Variants in PLAC1 observed in about 807,000 individuals in gnomAD.
The protein encoded by PLAC1 is placenta associated 1, also known as placenta-specific protein 1.
For missense variants in PLAC1, 136 were observed against 163.2 expected (o/e 0.83, Z 0.91); for synonymous variants, 68 against 62.1 (o/e 1.09, Z -0.44).
At chrX:134,729,175 T>A (rs967701732) in intron 2 of PLAC1, among the ~76,000 whole-genome samples, 1 of 111,598 alleles carries the variant, frequency 9.0e-6, no homozygotes, top group Non-Finnish European at 1.9e-5. Flanking sequence ...ACTCAATAAT[T>A]CCAGTTGAAT....
intron 1 of PLAC1, among the ~76,000 whole-genome samples, chrX:134,652,937 G>A (rs975435362): frequency 1.8e-5 from 2 of 112,229 alleles, no homozygotes; most frequent in Admixed American, 9.4e-5. Context: ...CTCTGCTACT[G>A]TGGTCCATCA....
intron 1 of PLAC1, among the ~76,000 whole-genome samples, chrX:134,642,026 G>T (rs1224280006): frequency 8.9e-6 from 1 of 111,928 alleles, no homozygotes; most frequent in Non-Finnish European, 1.9e-5. Context: ...GAAGGAAAAG[G>T]CTTTCATGCA....
chrX:134,743,957 G>A (rs1459138045), intron 1 of PLAC1, among the ~76,000 whole-genome samples: 1 of 112,577 alleles, frequency 8.9e-6, no homozygotes, highest in Non-Finnish European at 1.9e-5. Context: ...CATTGTTTAA[G>A]GAAGAGGACG....
At chrX:134,677,487 G>A (rs1048412000) in intron 2 of PLAC1, among the ~76,000 whole-genome samples, 1 of 111,788 alleles carries the variant, frequency 8.9e-6, no homozygotes, top group African/African-American at 3.3e-5. Context: ...GGGTAATCAG[G>A]GAGGCCTCCT....
intron 1 of PLAC1, among the ~76,000 whole-genome samples, chrX:134,632,394 A>C (rs913223512): frequency 8.9e-6 from 1 of 111,916 alleles, no homozygotes; most frequent in South Asian, 3.8e-4. Context: ...TTGTTTCCTC[A>C]GGTCAGTGTT....
At chrX:134,724,238 T>C (rs1228486364) in intron 2 of PLAC1, among the ~76,000 whole-genome samples, 1 of 112,508 alleles carries the variant, frequency 8.9e-6, no homozygotes, top group African/African-American at 3.2e-5. Context: ...TGTGCCATTG[T>C]TAATTTCCTA....
chrX:134,673,191 A>T (rs2078461888), intron 2 of PLAC1, among the ~76,000 whole-genome samples: 1 of 107,473 alleles, frequency 9.3e-6, no homozygotes, highest in African/African-American at 3.4e-5. Flanking sequence ...GGAGGAGAGA[A>T]GGAAGAAGAG....
intron 2 of PLAC1, among the ~76,000 whole-genome samples, chrX:134,729,787 C>CT (rs990333709): frequency 4.4e-4 from 49 of 110,213 alleles, no homozygotes; most frequent in East Asian, 1.7e-3. Context: ...TTCTTTCTAT[C>CT]TTTTTTTTTG....
At chrX:134,699,659 A>C (rs2078576069) in intron 2 of PLAC1, among the ~76,000 whole-genome samples, 2 of 112,592 alleles carry the variant, frequency 1.8e-5, no homozygotes, top group Admixed American at 9.4e-5. Flanking sequence ...ACATTGTTAT[A>C]GCAGTGCAAA....
intron 2 of PLAC1, among the ~76,000 whole-genome samples, chrX:134,690,396 G>A (rs1032374828): frequency 4.5e-5 from 5 of 111,919 alleles, no homozygotes; most frequent in African/African-American, 1.6e-4. Context: ...CACTGGGGCA[G>A]TGGTTTTCAA....
chrX:134,730,372 G>A (rs956079295), intron 2 of PLAC1, among the ~76,000 whole-genome samples: 1 of 111,878 alleles, frequency 8.9e-6, no homozygotes, highest in Non-Finnish European at 1.9e-5. Context: ...GGGAGTGGGT[G>A]CTGAAATCCC....
At chrX:134,588,850 G>A (rs1242586642) in intron 2 of PLAC1, among the ~76,000 whole-genome samples, 1 of 111,565 alleles carries the variant, frequency 9.0e-6, no homozygotes, top group African/African-American at 3.3e-5. Flanking sequence ...AGGTGGCCAT[G>A]AGGAGAGCAC....
rs193167719 is a variant in PLAC1 at position 134,756,012 on chromosome X, C to G, written n.89+8222G>C. On this transcript the variant is annotated intron_variant and non_coding_transcript_variant, in intron 1 of 2. Transcript: ENST00000466797. ...GACTACAGGTGCCCACCACCACGCCCGGCTAATTTTTTGTATTTTTAGTAG... is the reference window on the plus strand; with the variant it reads ...GACTACAGGTGCCCACCACCACGCCGGGCTAATTTTTTGTATTTTTAGTAG... 6.8e-3 allele frequency among the ~76,000 whole-genome samples: 730 copies of G among 107,367 alleles called. 7 individuals are homozygous for G. Among genetic ancestry groups the G allele is most frequent in the African/African-American group, 0.024 (716 of 29,496 alleles). 93.2% of individuals were successfully genotyped at this position (107,367 alleles called of 115,157 possible). A position where few individuals can be genotyped will look rare whatever the true frequency, so the allele number is the denominator to read the frequency against.
At chrX:134,574,209 C>T (rs2077925899) in intron 2 of PLAC1, among the ~76,000 whole-genome samples, 1 of 111,445 alleles carries the variant, frequency 9.0e-6, no homozygotes, top group Non-Finnish European at 1.9e-5. Context: ...CTATTTCTCC[C>T]CATTCCTTAA....
chrX:134,587,886 C>T (rs1237068234), intron 2 of PLAC1, among the ~76,000 whole-genome samples: 2 of 111,847 alleles, frequency 1.8e-5, no homozygotes, highest in Non-Finnish European at 3.8e-5. Context: ...GGATTAAAAT[C>T]GATGTTGTTC....
At chrX:134,578,274 G>T (rs1016703079) in intron 2 of PLAC1, among the ~76,000 whole-genome samples, 4 of 108,537 alleles carry the variant, frequency 3.7e-5, no homozygotes, top group African/African-American at 1.3e-4. Flanking sequence ...TTAGCCAGGC[G>T]TGGTGGCGGG....
chrX:134,609,136 C>A (rs905745404), intron 1 of PLAC1, among the ~76,000 whole-genome samples: 3 of 110,791 alleles, frequency 2.7e-5, no homozygotes, highest in Non-Finnish European at 5.7e-5. Flanking sequence ...CCACACCTGG[C>A]CTGTGGTGCC....
At chrX:134,643,021 A>G (rs976367992) in intron 1 of PLAC1, among the ~76,000 whole-genome samples, 1 of 111,252 alleles carries the variant, frequency 9.0e-6, no homozygotes, top group African/African-American at 3.3e-5. Flanking sequence ...GAAGGGTGGG[A>G]CTAAACAAAA....
At chrX:134,608,679 C>CT (rs61216654) in intron 1 of PLAC1, among the ~76,000 whole-genome samples, 111 of 90,077 alleles carry the variant, frequency 1.2e-3, no homozygotes, top group Middle Eastern at 0.011. Context: ...TTTCTTTTTT[C>CT]TTTTTTTTTT....
Sources: allele counts gnomAD v4.1 joint callset (sites outside exome capture counted in the v4.1 genomes callset), GRCh38; gene constraint gnomAD v4.1.1; transcripts MANE v1.5; gene names NCBI Gene and HGNC (gene_info 2026-07-23, HGNC 2026-07-21).